Variants in SUSD4 observed in about 807,000 individuals in gnomAD.
SUSD4 encodes the protein sushi domain containing 4, also known as sushi domain-containing protein 4.
Under a neutral mutation model 50.5 loss-of-function variants are expected in SUSD4, and 41 were observed. The ratio of observed to expected loss-of-function variants is 0.81; its 90% confidence interval spans 0.63 to 1.05. The LOEUF (loss-of-function observed/expected upper bound fraction) is 1.05, where lower values mean the gene tolerates loss of function less well. Ranked by LOEUF, SUSD4 falls within the 50% of genes least tolerant of loss-of-function variation. The pLI is 0.00. For synonymous variants in SUSD4, 257 were observed against 257.3 expected, an observed-to-expected ratio of 1.00 and a Z score of 0.01; for missense variants, 580 against 634.7, an observed-to-expected ratio of 0.91 and a Z score of 0.93.
Position 223,309,912 on chromosome 1 carries a change from C to T in SUSD4, c.149-17261G>A, listed in dbSNP as rs4661253. Among the ~76,000 whole-genome samples the T allele has an allele frequency of 8.1e-3, 1,231 of 152,236 alleles. 38 individuals carry two copies. The East Asian group carries it at 0.11, about 13-fold the overall frequency. On this transcript the variant is annotated intron_variant, in intron 2 of 8. Transcript: ENST00000366878. Reference sequence around the variant, plus strand: ...TGCTTACAGGGTTCCACATCAAATCCACTGGAGTTGTGTCTCTGAGTTCTA... The same window carrying T: ...TGCTTACAGGGTTCCACATCAAATCTACTGGAGTTGTGTCTCTGAGTTCTA...
At chr1:223,293,566 G>A (rs1176932492) in intron 2 of SUSD4, among the ~76,000 whole-genome samples, 1 of 152,174 alleles carries the variant, frequency 6.6e-6, no homozygotes, top group Non-Finnish European at 1.5e-5. Context: ...GAGCCCAGAA[G>A]CCCAGGCAGG....
intron 2 of SUSD4, among the ~76,000 whole-genome samples, chr1:223,301,376 T>C (rs1665182305): frequency 6.6e-6 from 1 of 152,230 alleles, no homozygotes; most frequent in Admixed American, 6.5e-5. Context: ...GACCACCGCA[T>C]GGTCTGTACC....
intron 5 of SUSD4, among the ~76,000 whole-genome samples, chr1:223,234,290 TC>T (rs1170180617): frequency 6.6e-6 from 1 of 152,178 alleles, no homozygotes; most frequent in Non-Finnish European, 1.5e-5. Context: ...TAGTGTCTTT[TC>T]CTCACCCTCC....
At chr1:223,338,627 G>A (rs1208103110) in intron 2 of SUSD4, among the ~76,000 whole-genome samples, 1 of 152,244 alleles carries the variant, frequency 6.6e-6, no homozygotes, top group Non-Finnish European at 1.5e-5. Flanking sequence ...AGCAGTCCAG[G>A]AGTAGCTGGA....
chr1:223,266,558 G>T (rs1051081913), intron 4 of SUSD4, among the ~76,000 whole-genome samples: 2 of 152,166 alleles, frequency 1.3e-5, no homozygotes, highest in Non-Finnish European at 2.9e-5. Context: ...TCAGAGTAAG[G>T]TTATAATTCA....
intron 3 of SUSD4, among the ~76,000 whole-genome samples, chr1:223,284,191 T>A (rs944954653): frequency 6.6e-6 from 1 of 152,094 alleles, no homozygotes; most frequent in Non-Finnish European, 1.5e-5. Flanking sequence ...GTAACAAACC[T>A]GCACATTGCG....
chr1:223,290,285 A>T (rs769057506), intron 3 of SUSD4, among the ~76,000 whole-genome samples: 70 of 152,324 alleles, frequency 4.6e-4, no homozygotes, highest in Non-Finnish European at 2.2e-4. Context: ...GCTATGTGAC[A>T]TCGGTGGTAT....
Position 223,221,965 on chromosome 1 carries a change from C to T in SUSD4, c.*227G>A. On this transcript the variant is annotated 3_prime_UTR_variant, in exon 9 of 9. Coordinates refer to ENST00000366878, the MANE Select transcript of SUSD4 (RefSeq NM_017982.4). ...AGACCACGCGAGGGCTTCCCTGCTG[C>T]CCCGGTTCCCCATGGGTCTTGGTGA... The T allele has an allele frequency of 2.0e-6, 1 of 502,846 alleles. No individual in the cohort carries two copies. Among genetic ancestry groups the T allele is most frequent in the African/African-American group, 2.0e-5 (1 of 51,024 alleles). The allele number at this position is 502,846 out of a possible 1,614,324, so 31.1% of individuals were successfully genotyped here.
chr1:223,223,869 C>T (rs951180289), intron 7 of SUSD4, among the ~76,000 whole-genome samples: 1 of 152,234 alleles, frequency 6.6e-6, no homozygotes, highest in Non-Finnish European at 1.5e-5. Context: ...TCTCTCGTGT[C>T]CTCCTGCCTC....
At chr1:223,304,727 G>A (rs180865046) in intron 2 of SUSD4, among the ~76,000 whole-genome samples, 151 of 141,068 alleles carry the variant, frequency 1.1e-3, no homozygotes, top group Admixed American at 3.1e-3. Flanking sequence ...TTTGAATCCC[G>A]ACTCTGCCAT....
In SUSD4 at chr1:223,229,058, G is replaced by C; in HGVS notation, c.916+139C>G. 1 of 876,850 alleles carries C rather than the reference G, an allele frequency of 1.1e-6. No homozygotes were observed. The highest frequency in any genetic ancestry group is 1.7e-6 in the Non-Finnish European group (1 of 580,486). 54.3% of individuals were successfully genotyped at this position (876,850 alleles called of 1,614,324 possible). A position where few individuals can be genotyped will look rare whatever the true frequency, so the allele number is the denominator to read the frequency against. ...AGCCCAACAGCAGCCCCATCGACCC[G>C]CAATGATATGTTTCGATATCCTGTT... On this transcript the variant is annotated intron_variant, in intron 6 of 8. Coordinates refer to ENST00000366878, the MANE Select transcript of SUSD4 (RefSeq NM_017982.4). This position sits in a 1 kb window ranked among gnomAD's most constrained non-coding sequence, Gnocchi z 4.7.
intron 5 of SUSD4, among the ~76,000 whole-genome samples, chr1:223,252,911 T>TA (rs942361224): frequency 2.6e-5 from 4 of 151,562 alleles, no homozygotes; most frequent in African/African-American, 4.9e-5. Flanking sequence ...GCCAACATGG[T>TA]AAAAAACCCC....
At chr1:223,319,612 A>C (rs961290282) in intron 2 of SUSD4, among the ~76,000 whole-genome samples, 13 of 152,140 alleles carry the variant, frequency 8.5e-5, no homozygotes, top group African/African-American at 2.9e-4. Context: ...ATTCACCAAC[A>C]CACCAACATG....
intron 2 of SUSD4, among the ~76,000 whole-genome samples, chr1:223,362,591 A>G (rs1034657451): frequency 2.0e-5 from 3 of 152,162 alleles, no homozygotes; most frequent in Admixed American, 2.0e-4. Flanking sequence ...GAGGCTATCA[A>G]TTTTATTTCA....
Position 223,227,723 on chromosome 1 carries a change from C to T in SUSD4, c.932G>A (p.Ser311Asn). The T allele has an allele frequency of 6.2e-7, 1 of 1,612,414 alleles. No homozygotes were observed. Among genetic ancestry groups the T allele is most frequent in the Non-Finnish European group, 8.5e-7 (1 of 1,179,330 alleles). ...CGTGGTCAGGAGGGTCTCATGGGTG[C>T]TGGGCCACGTTTGCTCTGCATGAGG... ...YCIKSEQTWPSTHETLLTTWK... is the reference protein window; with the variant it reads ...YCIKSEQTWPNTHETLLTTWK... Residue 311 changes from serine (S) to asparagine (N), a missense_variant, in exon 7 of 9, where the codon AGC becomes AAC. By Grantham distance (46) the Ser-to-Asn change is conservative (BLOSUM62 1). Transcript: ENST00000366878. This position sits in a 1 kb window ranked among gnomAD's most constrained non-coding sequence, Gnocchi z 4.5.
intron 5 of SUSD4, among the ~76,000 whole-genome samples, chr1:223,240,462 C>T (rs851216): frequency 0.31 from 47,552 of 151,710 alleles, 7,854 homozygotes; most frequent in Non-Finnish European, 0.38. Flanking sequence ...CCACAGTCCT[C>T]GGATATTCTG....
chr1:223,288,121 C>T (rs2103135353), intron 3 of SUSD4, among the ~76,000 whole-genome samples: 1 of 152,318 alleles, frequency 6.6e-6, no homozygotes, highest in Non-Finnish European at 1.5e-5. Flanking sequence ...ACCCAAATTT[C>T]ATCTAGAATT....
chr1:223,234,286 C>A (rs1397597063), intron 5 of SUSD4, among the ~76,000 whole-genome samples: 1 of 152,174 alleles, frequency 6.6e-6, no homozygotes, highest in Non-Finnish European at 1.5e-5. Context: ...AATTTAGTGT[C>A]TTTTCCTCAC....
chr1:223,312,689 G>A (rs942821007), intron 2 of SUSD4, among the ~76,000 whole-genome samples: 11 of 152,198 alleles, frequency 7.2e-5, no homozygotes, highest in African/African-American at 2.2e-4. Context: ...TGAGGCCCAA[G>A]GGTAGCAGAT....
Sources: allele counts gnomAD v4.1 joint callset (sites outside exome capture counted in the v4.1 genomes callset), GRCh38; gene constraint gnomAD v4.1.1; non-coding constraint Gnocchi (gnomAD v3.1); transcripts MANE v1.5; gene names NCBI Gene and HGNC (gene_info 2026-07-23, HGNC 2026-07-21).